Variants in TRMT61A observed in about 807,000 individuals in gnomAD.
TRMT61A encodes the protein tRNA methyltransferase 61A.
Under a neutral mutation model 21.3 loss-of-function variants are expected in TRMT61A, and 15 were observed. The observed-to-expected ratio is 0.70, with a 90% CI of 0.47 to 1.08. The LOEUF (loss-of-function observed/expected upper bound fraction) is 1.08. Ranked by LOEUF, TRMT61A falls within the 50% of genes least tolerant of loss-of-function variation. The pLI, the probability that TRMT61A is intolerant of heterozygous loss-of-function variation, is 0.00. For synonymous variants in TRMT61A, 183 were observed against 185.5 expected, an observed-to-expected ratio of 0.99 and a Z score of 0.11; for missense variants, 352 against 426.7, an observed-to-expected ratio of 0.83 and a Z score of 1.54.
In TRMT61A at chr14:103,536,186, A is replaced by G. The variant is rs897979038; in HGVS notation, c.*1365A>G. Reference sequence around the variant, plus strand: ...CTCCAGTCTCCAGGACAAAGGGGCAAATGTGTGGCCACCCCCATCTGGCTG... The same window carrying G: ...CTCCAGTCTCCAGGACAAAGGGGCAGATGTGTGGCCACCCCCATCTGGCTG... On this transcript the variant is annotated 3_prime_UTR_variant, in exon 4 of 4. Transcript: ENST00000389749. The G allele has an allele frequency of 1.3e-5, 2 of 152,340 alleles. No homozygotes were observed. Among genetic ancestry groups the G allele is most frequent in the African/African-American group, 4.8e-5 (2 of 41,368 alleles). 9.4% of individuals were successfully genotyped at this position (152,340 alleles called of 1,614,324 possible). A position where few individuals can be genotyped will look rare whatever the true frequency, so the allele number is the denominator to read the frequency against.
Position 103,536,590 on chromosome 14 carries a change from G to A in TRMT61A, c.*1769G>A, listed in dbSNP as rs1316967147. 5.3e-5 allele frequency: 8 copies of A among 152,332 alleles called. No homozygotes were observed. The highest frequency in any genetic ancestry group is 1.7e-4 in the African/African-American group (7 of 41,534). 9.4% of individuals were successfully genotyped at this position (152,332 alleles called of 1,614,324 possible). A position where few individuals can be genotyped will look rare whatever the true frequency, so the allele number is the denominator to read the frequency against. On this transcript the variant is annotated 3_prime_UTR_variant, in exon 4 of 4. Transcript: ENST00000389749. ...GCTTTGGGGTCAGGCTGTCCCTGGG[G>A]TGTCATGAACTGGGTGACGCACACC...
rs909868669 is a variant in TRMT61A at position 103,531,207 on chromosome 14, C to T, written c.331+898C>T. On this transcript the variant is annotated intron_variant, in intron 2 of 3. Coordinates refer to ENST00000389749, the MANE Select transcript of TRMT61A (RefSeq NM_152307.3). The surrounding 1 kb of genome is among the most constrained non-coding windows in gnomAD (Gnocchi z 5.1). ...GTGAACTAGAGAGACCAGGTTCCTG[C>T]CCTCGAGGAGGGGGACACAGCCTAG... Among the ~76,000 whole-genome samples the T allele has an allele frequency of 2.6e-5, 4 of 152,316 alleles. No individual in the cohort carries two copies. Among genetic ancestry groups the T allele is most frequent in the Middle Eastern group, 3.4e-3 (1 of 294 alleles).
rs796290759 is a variant in TRMT61A at position 103,531,964 on chromosome 14, G to T, written c.332-618G>T. 1.3e-5 allele frequency among the ~76,000 whole-genome samples: 2 copies of T among 151,890 alleles called. No homozygotes were observed. Among genetic ancestry groups the T allele is most frequent in the African/African-American group, 2.4e-5 (1 of 41,348 alleles). ...AGGGAAGCTGGGGGCAGGTGCGCTG[G>T]GGAGGACTGGGGCCGTGTGGCTGGT... On this transcript the variant is annotated intron_variant, in intron 2 of 3. Transcript: ENST00000389749. This position sits in a 1 kb window ranked among gnomAD's most constrained non-coding sequence, Gnocchi z 5.1.
chr14:103,529,257 C>A lies in TRMT61A; in HGVS notation c.-34C>A, dbSNP rs1382273585. On this transcript the variant is annotated 5_prime_UTR_variant, in exon 1 of 4. Transcript: ENST00000389749. ...TGTGGAGCCCCGGCAGCAGGAGCGT[C>A]GCAGGTGAGACTCCGCGGGGTACAG... 3 of 322,160 alleles carry A rather than the reference C, an allele frequency of 9.3e-6. No individual in the cohort carries two copies. The highest frequency in any genetic ancestry group is 1.9e-5 in the Non-Finnish European group (3 of 158,848). 20.0% of individuals were successfully genotyped at this position (322,160 alleles called of 1,614,324 possible).
At chr14:103,532,255 G>A (rs2075957015) in intron 2 of TRMT61A, among the ~76,000 whole-genome samples, 2 of 152,176 alleles carry the variant, frequency 1.3e-5, no homozygotes, top group South Asian at 4.1e-4. Context: ...GGAGGCTCCA[G>A]GCAGCTGGGC....
Position 103,532,759 on chromosome 14 carries a change from G to A in TRMT61A, c.509G>A (p.Gly170Asp). The A allele has an allele frequency of 6.3e-7, 1 of 1,592,514 alleles. No homozygotes were observed. The highest frequency in any genetic ancestry group is 8.5e-7 in the Non-Finnish European group (1 of 1,170,022). The change falls in exon 3 of 4, where the codon GGC becomes GAC. Residue 170 changes from glycine (G) to aspartate (D), a missense_variant. Coordinates refer to ENST00000389749, the MANE Select transcript of TRMT61A (RefSeq NM_152307.3). ...RTQDVCRSGFGVSHVADAVFL... is the reference protein window; with the variant it reads ...RTQDVCRSGFDVSHVADAVFL... ...CAGGACGTGTGCCGCAGTGGCTTTG[G>A]CGTGAGCCACGTGGCCGACGCCGTC...
intron 1 of TRMT61A, 132 bp downstream of exon 1, chr14:103,529,393 C>G (rs974735237): frequency 1.1e-5 from 2 of 177,904 alleles, no homozygotes; most frequent in Non-Finnish European, 2.4e-5. Flanking sequence ...CTTGTTGCCT[C>G]TGCATCGGCT....
chr14:103,530,367 G>C, intron 2 of TRMT61A, 58 bp downstream of exon 2: 1 of 1,445,836 alleles, frequency 6.9e-7, no homozygotes, highest in South Asian at 1.3e-5. Context: ...GTGGAGGTCA[G>C]AGCCTCCAGC....
At position 103,534,628 on chromosome 14, in the gene TRMT61A, C is replaced by G; in HGVS notation, c.677C>G (p.Ser226Ter). Residue 226 changes from serine (S) to a stop codon, truncating the protein, a stop_gained, in exon 4 of 4, where the codon TCA becomes TGA. Transcript: ENST00000389749. LOFTEE classifies it high-confidence loss of function. The part of the protein sequence containing the change: ...TCQALAARGF[S>*]ELSTLEVLPQ... Reference sequence around the variant, plus strand: ...CAGGCGCTGGCAGCGCGCGGCTTCTCAGAGCTGAGCACCCTGGAGGTGCTG... The same window carrying G: ...CAGGCGCTGGCAGCGCGCGGCTTCTGAGAGCTGAGCACCCTGGAGGTGCTG... 1 of 1,609,702 alleles carries G rather than the reference C, an allele frequency of 6.2e-7. No individual in the cohort carries two copies. The highest frequency in any genetic ancestry group is 1.1e-5 in the South Asian group (1 of 90,982).
rs780281977 is a variant in TRMT61A, at chr14:103,535,094, C to T, written c.*273C>T. 367 of 672,958 alleles carry T rather than the reference C, an allele frequency of 5.5e-4. No individual in the cohort carries two copies. Among genetic ancestry groups the T allele is most frequent in the Non-Finnish European group, 9.2e-4 (337 of 366,196 alleles). The allele number at this position is 672,958 out of a possible 1,614,324, so 41.7% of individuals were successfully genotyped here. Reference sequence around the variant, plus strand: ...GAAGTATCCACTGCCACAGGCTCCCCTGGGTGTTGAAGCCAAAGGGTGCAG... The same window carrying T: ...GAAGTATCCACTGCCACAGGCTCCCTTGGGTGTTGAAGCCAAAGGGTGCAG... On this transcript the variant is annotated 3_prime_UTR_variant, in exon 4 of 4. Transcript: ENST00000389749.
chr14:103,529,888 C>G, intron 1 of TRMT61A, 62 bp from the exon 2 acceptor site: 1 of 1,315,416 alleles, frequency 7.6e-7, no homozygotes, highest in Non-Finnish European at 1.0e-6. Context: ...AGCCTTCTAC[C>G]TAGACCCTAG....
At chr14:103,534,468 G>A (rs2075965833) in intron 3 of TRMT61A, 82 bp from the exon 4 acceptor site, 5 of 1,464,462 alleles carry the variant, frequency 3.4e-6, no homozygotes, top group East Asian at 4.7e-5. Flanking sequence ...AGACCCTAGG[G>A]TGGGAGTCCA....
At chr14:103,532,902 G>T in intron 3 of TRMT61A, 54 bp downstream of exon 3, 1 of 1,494,392 alleles carries the variant, frequency 6.7e-7, no homozygotes, top group South Asian at 1.3e-5. Flanking sequence ...GGGCAAGGGT[G>T]CAGGACTGAG....
chr14:103,533,344 C>T (rs969409130), intron 3 of TRMT61A, among the ~76,000 whole-genome samples: 6 of 152,218 alleles, frequency 3.9e-5, no homozygotes, highest in African/African-American at 1.2e-4. Flanking sequence ...GCAGGGGCCC[C>T]TTCCTTCTTC....
chr14:103,533,726 C>G (rs574288030), intron 3 of TRMT61A, among the ~76,000 whole-genome samples: 6 of 152,232 alleles, frequency 3.9e-5, no homozygotes, highest in African/African-American at 7.2e-5. Flanking sequence ...CGAGCTCCCC[C>G]TTCTGGGTCC....
chr14:103,530,234 A>C lies in TRMT61A; in HGVS notation c.256A>C (p.Ile86Leu), dbSNP rs764638376. ...WTLNLPHRTQ[I>L]LYSTDIALIT... ...GCTGAACCTGCCGCACCGCACGCAGATCCTCTACTCCACAGACATCGCCCT... is the reference window on the plus strand; with the variant it reads ...GCTGAACCTGCCGCACCGCACGCAGCTCCTCTACTCCACAGACATCGCCCT... Residue 86 changes from isoleucine to leucine, a missense_variant, in exon 2 of 4, where the codon ATC becomes CTC. Physicochemically the swap from Ile to Leu is conservative, Grantham distance 5. Coordinates refer to ENST00000389749, the MANE Select transcript of TRMT61A (RefSeq NM_152307.3). 7.4e-6 allele frequency: 12 copies of C among 1,611,360 alleles called. No individual in the cohort carries two copies. In the South Asian group the frequency reaches 1.3e-4, roughly 18 times the overall value.
rs1167391997 is a variant in TRMT61A at position 103,531,857 on chromosome 14, G to A, written c.332-725G>A. On this transcript the variant is annotated intron_variant, in intron 2 of 3. Coordinates refer to ENST00000389749, the MANE Select transcript of TRMT61A (RefSeq NM_152307.3). This position sits in a 1 kb window ranked among gnomAD's most constrained non-coding sequence, Gnocchi z 5.1. ...ATCAGGTAGATGGCCCCTGAAGCTG[G>A]AGTGGGAGGAGGGATGCAAGCCTTG... Among the ~76,000 whole-genome samples, 2 of 152,102 alleles carry A rather than the reference G, an allele frequency of 1.3e-5. No homozygotes were observed. Among genetic ancestry groups the A allele is most frequent in the Non-Finnish European group, 2.9e-5 (2 of 68,008 alleles).
intron 2 of TRMT61A, 134 bp downstream of exon 2, chr14:103,530,443 A>G: frequency 1.2e-6 from 1 of 818,328 alleles, no homozygotes; most frequent in Non-Finnish European, 1.9e-6. Flanking sequence ...GGATGCTGAC[A>G]GCAGGGAGTG....
In TRMT61A at chr14:103,530,224, C is replaced by T; in HGVS notation, c.246C>T (p.His82=). ...TPELWTLNLP[H]RTQILYSTDI... is the part of the protein sequence containing the mutation. ...AGCTCTGGACGCTGAACCTGCCGCA[C>T]CGCACGCAGATCCTCTACTCCACAG... The change falls in exon 2 of 4, where the codon CAC becomes CAT. Residue 82 remains histidine, a synonymous_variant. Coordinates refer to ENST00000389749, the MANE Select transcript of TRMT61A (RefSeq NM_152307.3). 1 of 1,611,958 alleles carries T rather than the reference C, an allele frequency of 6.2e-7. No individual in the cohort carries two copies. Among genetic ancestry groups the T allele is most frequent in the Non-Finnish European group, 8.5e-7 (1 of 1,178,964 alleles).
Sources: allele counts gnomAD v4.1 joint callset (sites outside exome capture counted in the v4.1 genomes callset), GRCh38; gene constraint gnomAD v4.1.1; non-coding constraint Gnocchi (gnomAD v3.1); transcripts MANE v1.5; gene names NCBI Gene and HGNC (gene_info 2026-07-23, HGNC 2026-07-21).